Variants in SPATA33 observed in about 807,000 individuals in gnomAD.
The protein encoded by SPATA33 is spermatogenesis-associated protein 33.
Under a neutral mutation model 8.9 loss-of-function variants are expected in SPATA33, and 10 were observed. The ratio of observed to expected loss-of-function variants is 1.12; its 90% confidence interval spans 0.69 to 1.90. The LOEUF (loss-of-function observed/expected upper bound fraction) is 1.90, where lower values mean the gene tolerates loss of function less well. Among genes scored for constraint, SPATA33 ranks in the 40% most tolerant of loss-of-function variants. SPATA33 has a pLI of 0.00. For synonymous variants in SPATA33, 96 were observed against 72.8 expected, an observed-to-expected ratio of 1.32 and a Z score of -1.63; for missense variants, 241 against 178.3, an observed-to-expected ratio of 1.35 and a Z score of -2.00.
Position 89,657,882 on chromosome 16 carries a change from C to T in SPATA33, c.-30C>T, listed in dbSNP as rs1042115767. ...GGCCGCGGAGGTGTGGGGACCCGGGCTTGCGTCGGAGGGGGCGGTGGGCTC... is the reference window on the plus strand; with the variant it reads ...GGCCGCGGAGGTGTGGGGACCCGGGTTTGCGTCGGAGGGGGCGGTGGGCTC... On this transcript the variant is annotated 5_prime_UTR_variant, in exon 1 of 3. Transcript: ENST00000579310. 29 of 1,516,190 alleles carry T rather than the reference C, an allele frequency of 1.9e-5. No homozygotes were observed. The highest frequency in any genetic ancestry group is 5.3e-5 in the East Asian group (2 of 38,056). The allele number at this position is 1,516,190 out of a possible 1,614,324, so 93.9% of individuals were successfully genotyped here.
Position 89,667,483 on chromosome 16 carries a change from C to A in SPATA33, c.212-1803C>A, listed in dbSNP as rs192702929. 9.9e-5 allele frequency among the ~76,000 whole-genome samples: 15 copies of A among 152,200 alleles called. No homozygotes were observed. The South Asian group carries it at 3.1e-3, about 32-fold the overall frequency. ...TTTTATTACACTGGAACAGCTCGTG[C>A]CCTCGGTCTCTTGCCTCGGCACCTG... On this transcript the variant is annotated intron_variant, in intron 2 of 2. Coordinates refer to ENST00000579310, the MANE Select transcript of SPATA33 (RefSeq NM_001271907.2).
intron 1 of SPATA33, 26 bp downstream of exon 1, chr16:89,657,974 C>T: frequency 1.3e-6 from 2 of 1,505,872 alleles, no homozygotes; most frequent in Non-Finnish European, 1.8e-6. Context: ...GCGCTGGGCT[C>T]CCCGCGTCTC....
At chr16:89,669,232 C>T (rs373677526) in intron 2 of SPATA33, 54 bp from the exon 3 acceptor site, 25 of 1,521,228 alleles carry the variant, frequency 1.6e-5, no homozygotes, top group South Asian at 4.5e-5. Flanking sequence ...GTGTGTGCAT[C>T]GTGGAAGGAG....
intron 2 of SPATA33, 194 bp downstream of exon 2, chr16:89,658,615 A>G (rs1020388222): frequency 1.2e-5 from 9 of 767,960 alleles, no homozygotes; most frequent in Non-Finnish European, 1.8e-5. Context: ...ACATAAGTTT[A>G]ATGAAAATGT....
intron 2 of SPATA33, among the ~76,000 whole-genome samples, chr16:89,661,925 G>A (rs72807503): frequency 0.024 from 3,711 of 152,126 alleles, 62 homozygotes; most frequent in South Asian, 0.039. Context: ...TTATAGTTAC[G>A]CTAAAACACA....
At chr16:89,667,062 CAG>C (rs2060035949) in intron 2 of SPATA33, among the ~76,000 whole-genome samples, 1 of 152,128 alleles carries the variant, frequency 6.6e-6, no homozygotes, top group Non-Finnish European at 1.5e-5. Flanking sequence ...GGTGGAGGAG[CAG>C]AGTTTTCTCT....
At chr16:89,661,272 G>T in intron 2 of SPATA33, 2 of 932,822 alleles carry the variant, frequency 2.1e-6, no homozygotes, top group Middle Eastern at 5.4e-4. Context: ...GGAGGAACTG[G>T]GTGGGAGGTG....
At chr16:89,665,442 C>A (rs1183702877) in intron 2 of SPATA33, among the ~76,000 whole-genome samples, 5 of 151,784 alleles carry the variant, frequency 3.3e-5, no homozygotes, top group Admixed American at 2.6e-4. Flanking sequence ...ATAGCTGGGA[C>A]TACAGGTGCC....
chr16:89,668,888 T>G (rs1022424172), intron 2 of SPATA33, among the ~76,000 whole-genome samples: 1 of 152,220 alleles, frequency 6.6e-6, no homozygotes, highest in Non-Finnish European at 1.5e-5. Flanking sequence ...TTCTAATGGA[T>G]GAAGTTCTGT....
intron 2 of SPATA33, chr16:89,659,968 C>G (rs1042880360): frequency 1.3e-5 from 2 of 152,294 alleles, no homozygotes; most frequent in African/African-American, 4.8e-5. Context: ...TAGCATCACC[C>G]TTGGGTGGCA....
intron 2 of SPATA33, among the ~76,000 whole-genome samples, chr16:89,664,643 G>T (rs1045018576): frequency 2.0e-3 from 294 of 150,718 alleles, no homozygotes; most frequent in Admixed American, 7.8e-3. Context: ...AAGCCAGACA[G>T]TAAAAGTGTC....
intron 2 of SPATA33, chr16:89,658,770 T>C (rs548186799): frequency 3.8e-5 from 12 of 316,106 alleles, no homozygotes; most frequent in East Asian, 1.9e-4. Flanking sequence ...GAACAGAGCA[T>C]TGGGAGGCCG....
chr16:89,669,123 C>T (rs1255034938), intron 2 of SPATA33, among the ~76,000 whole-genome samples, 163 bp from the exon 3 acceptor site: 2 of 152,180 alleles, frequency 1.3e-5, no homozygotes, highest in African/African-American at 4.8e-5. Flanking sequence ...ATCCCTTAAG[C>T]CCTGTAATGT....
chr16:89,669,579 C>A lies in SPATA33; in HGVS notation c.*82C>A. The A allele has an allele frequency of 7.0e-7, 1 of 1,426,814 alleles. No homozygotes were observed. The highest frequency in any genetic ancestry group is 9.6e-7 in the Non-Finnish European group (1 of 1,039,114). The allele number at this position is 1,426,814 out of a possible 1,614,324, so 88.4% of individuals were successfully genotyped here. On this transcript the variant is annotated 3_prime_UTR_variant, in exon 3 of 3. Coordinates refer to ENST00000579310, the MANE Select transcript of SPATA33 (RefSeq NM_001271907.2). ...CGCCTCACCCTGTGAGAAGCCGAGG[C>A]CCCTTCTCCAGTGCTCTCGGGGAGG...
intron 2 of SPATA33, chr16:89,658,951 A>C (rs2059926110): frequency 6.5e-6 from 1 of 154,338 alleles, no homozygotes; most frequent in Non-Finnish European, 1.4e-5. Context: ...AAGAAGCTAG[A>C]ATACAAAGTT....
intron 2 of SPATA33, among the ~76,000 whole-genome samples, chr16:89,662,045 A>G (rs1303911258): frequency 2.6e-5 from 4 of 152,182 alleles, no homozygotes; most frequent in Non-Finnish European, 5.9e-5. Context: ...TCATCCCAGC[A>G]CTTTGGGAGG....
chr16:89,661,745 A>C (rs1260264044), intron 2 of SPATA33, among the ~76,000 whole-genome samples: 1 of 152,162 alleles, frequency 6.6e-6, no homozygotes, highest in Admixed American at 6.6e-5. Context: ...GTTAGAAGGA[A>C]ATCTGAGCGA....
At chr16:89,660,614 C>A in intron 2 of SPATA33, 2 of 1,159,456 alleles carry the variant, frequency 1.7e-6, no homozygotes, top group Non-Finnish European at 2.2e-6. Context: ...AAAGGTGGGA[C>A]ACTGAGTGAG....
In SPATA33 at chr16:89,669,562, C is replaced by A; in HGVS notation, c.*65C>A. ...GGCGTCTCGGGAACAGCCGCCTCACCCTGTGAGAAGCCGAGGCCCCTTCTC... is the reference window on the plus strand; with the variant it reads ...GGCGTCTCGGGAACAGCCGCCTCACACTGTGAGAAGCCGAGGCCCCTTCTC... On this transcript the variant is annotated 3_prime_UTR_variant, in exon 3 of 3. Coordinates refer to ENST00000579310, the MANE Select transcript of SPATA33 (RefSeq NM_001271907.2). The A allele has an allele frequency of 6.5e-7, 1 of 1,536,900 alleles. No homozygotes were observed. Among genetic ancestry groups the A allele is most frequent in the South Asian group, 1.1e-5 (1 of 88,204 alleles).
Sources: allele counts gnomAD v4.1 joint callset (sites outside exome capture counted in the v4.1 genomes callset), GRCh38; gene constraint gnomAD v4.1.1; transcripts MANE v1.5; gene names NCBI Gene and HGNC (gene_info 2026-07-23, HGNC 2026-07-21).